Variants in DIP2C observed in about 807,000 individuals in gnomAD.
DIP2C encodes disco-interacting protein 2 homolog C.
A neutral mutation model predicts 192.4 loss-of-function variants in DIP2C; 33 were observed. The observed-to-expected ratio is 0.17, with a 90% CI of 0.13 to 0.23. The LOEUF (loss-of-function observed/expected upper bound fraction) is 0.23. DIP2C is among the 10% of genes least tolerant of loss of function. DIP2C has a pLI of 1.00. For synonymous variants in DIP2C, 979 were observed against 864.1 expected (o/e 1.13, Z -2.33); for missense variants, 1,537 against 2,110.1 (o/e 0.73, Z 5.32).
At position 330,744 on chromosome 10, in the gene DIP2C, T is replaced by C. The variant is rs147431228; in HGVS notation, c.3585-1143A>G. ...TCCTCTCTTGTTCCTGCTGTGGCCA[T>C]GTAAGATGTGCCTGGCCTCCCAAAG... On this transcript the variant is annotated intron_variant, in intron 29 of 36. Coordinates refer to ENST00000280886, the MANE Select transcript of DIP2C (RefSeq NM_014974.3). Among the ~76,000 whole-genome samples, 44 of 151,616 alleles carry C rather than the reference T, an allele frequency of 2.9e-4. 1 individual carries two copies. The East Asian group carries it at 8.4e-3, about 29-fold the overall frequency.
intron 4 of DIP2C, among the ~76,000 whole-genome samples, chr10:426,805 C>A (rs571035632): frequency 6.6e-6 from 1 of 151,850 alleles, no homozygotes; most frequent in African/African-American, 2.4e-5. Context: ...CCCAACACAC[C>A]AAAAAGAAAA....
chr10:484,695 C>A (rs1039827008), intron 2 of DIP2C: 3 of 1,498,564 alleles, frequency 2.0e-6, no homozygotes, highest in African/African-American at 1.4e-5. Flanking sequence ...ACACCCTACA[C>A]GTCTGTACGG....
chr10:287,687 A>AC (rs71374353), intron 33 of DIP2C, among the ~76,000 whole-genome samples: 8 of 147,946 alleles, frequency 5.4e-5, no homozygotes, highest in South Asian at 2.2e-4. Flanking sequence ...AAAAAAAAAA[A>AC]GAGTCTTTAT....
intron 1 of DIP2C, among the ~76,000 whole-genome samples, chr10:497,581 C>T (rs1009948197): frequency 6.6e-6 from 1 of 152,206 alleles, no homozygotes; most frequent in African/African-American, 2.4e-5. Flanking sequence ...GACGCTCATA[C>T]AAGGAATCCA....
chr10:388,549 G>C (rs574043370), intron 13 of DIP2C, among the ~76,000 whole-genome samples: 1 of 152,286 alleles, frequency 6.6e-6, no homozygotes, highest in African/African-American at 2.4e-5. Flanking sequence ...AGTTCCTTTT[G>C]AAAGTAGTGA....
intron 1 of DIP2C, among the ~76,000 whole-genome samples, chr10:599,542 C>T (rs1318780801): frequency 6.6e-6 from 1 of 152,166 alleles, no homozygotes; most frequent in Non-Finnish European, 1.5e-5. Context: ...GCTGTTCACT[C>T]GTGGGTCAGT....
At chr10:688,000 G>A (rs955443603) in intron 1 of DIP2C, among the ~76,000 whole-genome samples, 1 of 152,212 alleles carries the variant, frequency 6.6e-6, no homozygotes, top group Non-Finnish European at 1.5e-5. Flanking sequence ...GCAGGCAGGG[G>A]TGCACCTGGG....
intron 9 of DIP2C, among the ~76,000 whole-genome samples, chr10:405,445 G>C (rs1964733922): frequency 6.6e-6 from 1 of 152,198 alleles, no homozygotes; most frequent in Non-Finnish European, 1.5e-5. Flanking sequence ...AACAATACAA[G>C]TAATGGATAG....
In DIP2C at chr10:376,351, C is replaced by A. The variant is rs562634772; in HGVS notation, c.1991+6296G>T. On this transcript the variant is annotated intron_variant, in intron 17 of 36. Transcript: ENST00000280886. ...GGCCCACCTCGGCCCCCGACGGAGC[C>A]GGCACAGAGCAAGAATGAGGTGGTG... is the stretch of plus-strand genomic sequence containing the variant. Among the ~76,000 whole-genome samples the A allele has an allele frequency of 2.6e-5, 4 of 152,238 alleles. No homozygotes were observed. The South Asian group carries it at 8.3e-4, about 32-fold the overall frequency.
chr10:685,439 A>AAAAGAGAATGAAAAAT (rs1270055205), intron 1 of DIP2C, among the ~76,000 whole-genome samples: 9 of 151,992 alleles, frequency 5.9e-5, no homozygotes, highest in African/African-American at 1.9e-4. Context: ...ACAGAGTACA[A>AAAAGAGAATGAAAAAT]AGCATGGCAC....
chr10:425,601 C>T (rs1053565255), intron 4 of DIP2C, among the ~76,000 whole-genome samples: 1 of 150,976 alleles, frequency 6.6e-6, no homozygotes, highest in African/African-American at 2.4e-5. Context: ...ATGGATGCAG[C>T]ATGACCAGCG....
At chr10:461,811 G>A (rs751453951) in intron 3 of DIP2C, among the ~76,000 whole-genome samples, 1 of 151,992 alleles carries the variant, frequency 6.6e-6, no homozygotes, top group African/African-American at 2.4e-5. Flanking sequence ...GCAAAAGGAT[G>A]GAAATCATAA....
At chr10:522,888 G>GTC (rs1340676177) in intron 1 of DIP2C, among the ~76,000 whole-genome samples, 1 of 150,296 alleles carries the variant, frequency 6.7e-6, no homozygotes, top group African/African-American at 2.5e-5. Context: ...GACTCTGCAT[G>GTC]ACCAACACGC....
At chr10:653,523 T>G (rs1489280291) in intron 1 of DIP2C, among the ~76,000 whole-genome samples, 1 of 152,214 alleles carries the variant, frequency 6.6e-6, no homozygotes, top group Non-Finnish European at 1.5e-5. Flanking sequence ...GCAACGAAGC[T>G]GGCAATATAT....
At position 276,657 on chromosome 10, in the gene DIP2C, A is replaced by G. The variant is rs1323071035; in HGVS notation, c.*668T>C. The G allele has an allele frequency of 6.5e-6, 1 of 152,726 alleles. No individual in the cohort carries two copies. The highest frequency in any genetic ancestry group is 1.5e-5 in the Non-Finnish European group (1 of 68,090). The allele number at this position is 152,726 out of a possible 1,614,324, so 9.5% of individuals were successfully genotyped here. A position where few individuals can be genotyped will look rare whatever the true frequency, so the allele number is the denominator to read the frequency against. ...TTTATCTTTTTAGTTTAGTACAAAGATATTTGCAAGATAATTGCCGAAATA... is the reference window on the plus strand; with the variant it reads ...TTTATCTTTTTAGTTTAGTACAAAGGTATTTGCAAGATAATTGCCGAAATA... On this transcript the variant is annotated 3_prime_UTR_variant, in exon 37 of 37. Transcript: ENST00000280886.
At chr10:597,566 T>C (rs1034803137) in intron 1 of DIP2C, among the ~76,000 whole-genome samples, 5 of 152,202 alleles carry the variant, frequency 3.3e-5, no homozygotes, top group African/African-American at 1.2e-4. Context: ...GCACTAACGC[T>C]GTCACTATGC....
intron 32 of DIP2C, among the ~76,000 whole-genome samples, chr10:301,713 G>T (rs534417542): frequency 1.3e-5 from 2 of 152,340 alleles, no homozygotes; most frequent in Non-Finnish European, 2.9e-5. Flanking sequence ...GCAGGACCCG[G>T]GAGCCCGCCT....
At chr10:552,428 G>A (rs2130951568) in intron 1 of DIP2C, among the ~76,000 whole-genome samples, 1 of 152,202 alleles carries the variant, frequency 6.6e-6, no homozygotes, top group Admixed American at 6.5e-5. Context: ...AAACAGAGAG[G>A]GAAATTTCTT....
intron 17 of DIP2C, among the ~76,000 whole-genome samples, chr10:381,006 A>G (rs545133081): frequency 2.8e-4 from 43 of 152,340 alleles, no homozygotes; most frequent in African/African-American, 8.9e-4. Context: ...CAATGCAGAG[A>G]GGGATGTGTT....
Sources: allele counts gnomAD v4.1 joint callset (sites outside exome capture counted in the v4.1 genomes callset), GRCh38; gene constraint gnomAD v4.1.1; transcripts MANE v1.5; gene names NCBI Gene and HGNC (gene_info 2026-07-23, HGNC 2026-07-21).